DCDC2: variants seen among roughly 807,000 people sequenced by gnomAD.
DCDC2 encodes the protein doublecortin domain-containing protein 2.
In DCDC2, 40 loss-of-function variants were observed where a neutral mutation model predicts 50.2. The observed-to-expected ratio is 0.80, with a 90% CI of 0.62 to 1.04. DCDC2 has a LOEUF of 1.04. DCDC2 is among the 50% of genes least tolerant of loss of function. DCDC2 has a pLI of 0.00. For missense variants in DCDC2, 570 were observed against 581.9 expected (o/e 0.98, Z 0.21); for synonymous variants, 234 against 210.6 (o/e 1.11, Z -0.96).
chr6:24,297,378 G>A (rs950143099), intron 4 of DCDC2, among the ~76,000 whole-genome samples: 12 of 152,222 alleles, frequency 7.9e-5, no homozygotes, highest in Non-Finnish European at 1.3e-4. Context: ...TAGTACCTGG[G>A]TGACAAAATA....
intron 2 of DCDC2, among the ~76,000 whole-genome samples, chr6:24,305,203 T>C (rs1184697850): frequency 1.3e-5 from 2 of 152,234 alleles, no homozygotes; most frequent in Non-Finnish European, 2.9e-5. Flanking sequence ...TGATTCTGAG[T>C]ATGTAAATTA....
Position 24,254,729 on chromosome 6 carries a change from G to A in DCDC2, c.922+23320C>T, listed in dbSNP as rs377668304. Among the ~76,000 whole-genome samples the A allele has an allele frequency of 2.6e-5, 4 of 152,036 alleles. No individual in the cohort carries two copies. In the South Asian group the frequency reaches 6.2e-4, roughly 24 times the overall value. On this transcript the variant is annotated intron_variant, in intron 7 of 9. Coordinates refer to ENST00000378454, the MANE Select transcript of DCDC2 (RefSeq NM_016356.5). ...CGTAACAAAAACTCCAGGTCTAAATGGCTACATCAGTCAGATATCAAAAAA... is the reference window on the plus strand; with the variant it reads ...CGTAACAAAAACTCCAGGTCTAAATAGCTACATCAGTCAGATATCAAAAAA...
In DCDC2 at chr6:24,353,317, T is replaced by C. The variant is rs575720226; in HGVS notation, c.348+252A>G. 1.4e-4 allele frequency: 74 copies of C among 540,460 alleles called. 2 individuals carry two copies. Among genetic ancestry groups the C allele is most frequent in the South Asian group, 9.8e-4 (64 of 65,156 alleles). 33.5% of individuals were successfully genotyped at this position (540,460 alleles called of 1,614,324 possible). On this transcript the variant is annotated intron_variant, in intron 2 of 9. Transcript: ENST00000378454. ...CCATGGATTTCAATCAGAGAACATG[T>C]AGCTAGAAAAGAGAAAAATATGTTT...
intron 2 of DCDC2, among the ~76,000 whole-genome samples, chr6:24,351,092 C>T (rs1415886468): frequency 6.6e-6 from 1 of 152,078 alleles, no homozygotes; most frequent in African/African-American, 2.4e-5. Context: ...CTAAAACAGC[C>T]GTAAAAATAC....
At chr6:24,240,198 A>G (rs1762535094) in intron 7 of DCDC2, among the ~76,000 whole-genome samples, 1 of 152,236 alleles carries the variant, frequency 6.6e-6, no homozygotes, top group South Asian at 2.1e-4. Flanking sequence ...TACAATAGGT[A>G]CCAGCTGAAA....
At chr6:24,266,725 T>G (rs1763130212) in intron 7 of DCDC2, among the ~76,000 whole-genome samples, 1 of 152,166 alleles carries the variant, frequency 6.6e-6, no homozygotes, top group East Asian at 1.9e-4. Flanking sequence ...GGAATGTAAA[T>G]TAGCATAGCA....
At chr6:24,179,953 CAAAAA>C (rs56376644) in intron 8 of DCDC2, among the ~76,000 whole-genome samples, 4 of 85,984 alleles carry the variant, frequency 4.7e-5, no homozygotes, top group Admixed American at 4.5e-4. Context: ...GACTCCATCT[CAAAAA>C]AAAAAAAAAA....
At chr6:24,284,748 T>C (rs753812962) in intron 6 of DCDC2, among the ~76,000 whole-genome samples, 2 of 152,124 alleles carry the variant, frequency 1.3e-5, no homozygotes, top group Admixed American at 1.3e-4. Context: ...GCCTCTCCGA[T>C]TTCATTCACG....
intron 7 of DCDC2, among the ~76,000 whole-genome samples, chr6:24,234,353 T>C (rs116168329): frequency 0.025 from 3,796 of 151,978 alleles, 78 homozygotes; most frequent in African/African-American, 0.053. Context: ...TAAACTTGAG[T>C]GCAAAGTTGA....
At chr6:24,178,778 C>A in intron 8 of DCDC2, 146 bp from the exon 9 acceptor site, 2 of 732,784 alleles carry the variant, frequency 2.7e-6, no homozygotes, top group Non-Finnish European at 4.4e-6. Context: ...AACGCACTTA[C>A]GTTTACTGAG....
the DCDC2 span, among the ~76,000 whole-genome samples, chr6:24,377,196 C>A: frequency 6.6e-6 from 1 of 152,220 alleles, no homozygotes; most frequent in Non-Finnish European, 1.5e-5. Context: ...CAAAACTTTA[C>A]TCTTGAAAGG....
At chr6:24,293,173 C>A (rs1763787750) in intron 4 of DCDC2, among the ~76,000 whole-genome samples, 1 of 152,150 alleles carries the variant, frequency 6.6e-6, no homozygotes, top group Non-Finnish European at 1.5e-5. Context: ...CTCCTGGGCT[C>A]AAGTGATCCT....
chr6:24,298,804 G>A (rs981814227), intron 4 of DCDC2, among the ~76,000 whole-genome samples: 7 of 152,236 alleles, frequency 4.6e-5, no homozygotes, highest in East Asian at 1.9e-4. Context: ...ATAGACTTCC[G>A]GTGAAAATAT....
At chr6:24,270,405 T>C (rs558945451) in intron 7 of DCDC2, among the ~76,000 whole-genome samples, 2 of 152,224 alleles carry the variant, frequency 1.3e-5, no homozygotes, top group African/African-American at 4.8e-5. Context: ...CATTACTCAA[T>C]GCTTACAGTT....
chr6:24,330,179 A>C (rs1377395264), intron 2 of DCDC2, among the ~76,000 whole-genome samples: 1 of 152,194 alleles, frequency 6.6e-6, no homozygotes, highest in Non-Finnish European at 1.5e-5. Context: ...AGGGCTGTCT[A>C]GTCAATTCCT....
chr6:24,368,389 A>T, the DCDC2 span, among the ~76,000 whole-genome samples: 18 of 152,176 alleles, frequency 1.2e-4, no homozygotes, highest in African/African-American at 4.3e-4. Flanking sequence ...TAACCACCTT[A>T]GGATATCGTA....
upstream of DCDC2, among the ~76,000 whole-genome samples, chr6:24,359,259 ATATATTT>A (rs1223784177): frequency 4.6e-4 from 35 of 75,488 alleles, no homozygotes; most frequent in Non-Finnish European, 7.2e-4. Flanking sequence ...TATATATAAT[ATATATTT>A]TATATTTTAT....
intron 5 of DCDC2, 98 bp downstream of exon 5, chr6:24,290,834 A>C: frequency 9.5e-7 from 1 of 1,048,698 alleles, no homozygotes; most frequent in Non-Finnish European, 1.4e-6. Flanking sequence ...AATAAATAAG[A>C]TTATCAATTA....
At chr6:24,195,192 C>T (rs1367480315) in intron 8 of DCDC2, among the ~76,000 whole-genome samples, 1 of 152,170 alleles carries the variant, frequency 6.6e-6, no homozygotes, top group African/African-American at 2.4e-5. Flanking sequence ...TGGCAGGAAA[C>T]ATGAGACCAA....
Sources: allele counts gnomAD v4.1 joint callset (sites outside exome capture counted in the v4.1 genomes callset), GRCh38; gene constraint gnomAD v4.1.1; transcripts MANE v1.5; gene names NCBI Gene and HGNC (gene_info 2026-07-23, HGNC 2026-07-21).